Variants in RAD51B observed in about 807,000 individuals in gnomAD.
The protein encoded by RAD51B is DNA repair protein RAD51 homolog 2.
A neutral mutation model predicts 42.2 loss-of-function variants in RAD51B; 38 were observed. The observed-to-expected ratio is 0.90, with a 90% CI of 0.70 to 1.18. The LOEUF is 1.18. Among genes scored for constraint, RAD51B ranks in the 50% most tolerant of loss-of-function variants. The pLI is 0.00. For missense variants in RAD51B, 373 were observed against 400.7 expected, an observed-to-expected ratio of 0.93 and a Z score of 0.59; for synonymous variants, 154 against 145.2, an observed-to-expected ratio of 1.06 and a Z score of -0.43.
chr14:68,121,411 G>T (rs562030379), intron 7 of RAD51B, among the ~76,000 whole-genome samples: 1 of 152,108 alleles, frequency 6.6e-6, no homozygotes, highest in African/African-American at 2.4e-5. Flanking sequence ...CCTTGTTGAG[G>T]AGTAACAGCC....
chr14:68,581,556 A>G (rs1890209303), intron 10 of RAD51B, among the ~76,000 whole-genome samples: 1 of 152,202 alleles, frequency 6.6e-6, no homozygotes, highest in African/African-American at 2.4e-5. Context: ...TGGCACCTGG[A>G]AAGAAATGTC....
intron 4 of RAD51B, among the ~76,000 whole-genome samples, chr14:67,858,285 A>G (rs1272569440): frequency 6.6e-6 from 1 of 152,180 alleles, no homozygotes; most frequent in Non-Finnish European, 1.5e-5. Flanking sequence ...CAGTTGGACA[A>G]TTGACGGATG....
intron 7 of RAD51B, among the ~76,000 whole-genome samples, chr14:67,966,762 T>C (rs920769261): frequency 1.3e-5 from 2 of 152,250 alleles, no homozygotes; most frequent in African/African-American, 4.8e-5. Flanking sequence ...CCTCTCAGTT[T>C]GCAAACTTGC....
chr14:68,089,502 G>T lies in RAD51B; in HGVS notation c.756+202298G>T, dbSNP rs949281343. Among the ~76,000 whole-genome samples the T allele has an allele frequency of 4.6e-5, 7 of 152,230 alleles. No individual in the cohort carries two copies. The South Asian group carries it at 1.5e-3, about 32-fold the overall frequency. On this transcript the variant is annotated intron_variant, in intron 7 of 10. Coordinates refer to ENST00000471583, the MANE Select transcript of RAD51B (RefSeq NM_133510.4). Reference sequence around the variant, plus strand: ...ACAGGGTTGAGACTAGCTTTTGCTGGTTCCCTGGGGTGTATCAGAGACCTC... The same window carrying T: ...ACAGGGTTGAGACTAGCTTTTGCTGTTTCCCTGGGGTGTATCAGAGACCTC...
chr14:68,047,745 A>G (rs1445326138), intron 7 of RAD51B, among the ~76,000 whole-genome samples: 1 of 152,196 alleles, frequency 6.6e-6, no homozygotes, highest in Non-Finnish European at 1.5e-5. Flanking sequence ...CTTATATTTC[A>G]GGGAATGTCT....
intron 7 of RAD51B, among the ~76,000 whole-genome samples, chr14:68,244,399 C>G (rs537565697): frequency 7.2e-5 from 11 of 152,300 alleles, no homozygotes; most frequent in African/African-American, 2.2e-4. Context: ...GGCAGGACTT[C>G]CTTTTTATTC....
At chr14:68,250,487 T>A (rs1332697662) in intron 7 of RAD51B, among the ~76,000 whole-genome samples, 2 of 152,240 alleles carry the variant, frequency 1.3e-5, no homozygotes, top group Non-Finnish European at 2.9e-5. Flanking sequence ...CAATCACAAT[T>A]TCATCAATTC....
intron 7 of RAD51B, among the ~76,000 whole-genome samples, chr14:68,190,330 T>C (rs1317208233): frequency 6.6e-6 from 1 of 152,206 alleles, no homozygotes; most frequent in African/African-American, 2.4e-5. Context: ...TGAAATATCT[T>C]TACTTTGTAT....
At chr14:68,176,952 C>G (rs1373857192) in intron 7 of RAD51B, among the ~76,000 whole-genome samples, 2 of 152,144 alleles carry the variant, frequency 1.3e-5, no homozygotes, top group African/African-American at 4.8e-5. Context: ...TACTAGAGAT[C>G]TGCTCTAAAT....
chr14:68,528,358 C>A (rs1476065359), intron 10 of RAD51B, among the ~76,000 whole-genome samples: 1 of 152,210 alleles, frequency 6.6e-6, no homozygotes, highest in East Asian at 1.9e-4. Flanking sequence ...ATTATTTTCC[C>A]TTCTTCCTCT....
At chr14:67,981,569 C>T (rs190554303) in intron 7 of RAD51B, among the ~76,000 whole-genome samples, 1 of 152,214 alleles carries the variant, frequency 6.6e-6, no homozygotes, top group Admixed American at 6.5e-5. Context: ...TGTCCATCAA[C>T]AAGTGAATGG....
At chr14:68,191,136 G>C (rs1239350872) in intron 7 of RAD51B, among the ~76,000 whole-genome samples, 1 of 152,056 alleles carries the variant, frequency 6.6e-6, no homozygotes, top group African/African-American at 2.4e-5. Flanking sequence ...TAGAGAAATC[G>C]AGTGTTTTCT....
chr14:67,986,529 A>C (rs2075196997), intron 7 of RAD51B, among the ~76,000 whole-genome samples: 1 of 152,194 alleles, frequency 6.6e-6, no homozygotes, highest in African/African-American at 2.4e-5. Flanking sequence ...TTTTCCATAT[A>C]CAGAGTCCCA....
chr14:67,995,828 A>G (rs1390879322), intron 7 of RAD51B, among the ~76,000 whole-genome samples: 1 of 151,928 alleles, frequency 6.6e-6, no homozygotes, highest in African/African-American at 2.4e-5. Flanking sequence ...CGTGTTAACC[A>G]GGATGGACTC....
chr14:68,074,838 G>A (rs547955620), intron 7 of RAD51B, among the ~76,000 whole-genome samples: 6 of 152,340 alleles, frequency 3.9e-5, no homozygotes, highest in African/African-American at 1.4e-4. Context: ...TGATCCAGTA[G>A]ATGGTGCTTA....
In RAD51B at chr14:67,848,926, C is replaced by T. The variant is rs188107383; in HGVS notation, c.315+13730C>T. Among the ~76,000 whole-genome samples, 272 of 152,346 alleles carry T rather than the reference C, an allele frequency of 1.8e-3. 2 individuals are homozygous for T. Among genetic ancestry groups the T allele is most frequent in the Non-Finnish European group, 3.0e-3 (203 of 68,026 alleles). On this transcript the variant is annotated intron_variant, in intron 4 of 10. Transcript: ENST00000471583. ...AAAATAGGTCCCCACTCTCTTCTGGCTTGCAGTTTCTGCTGAGATGTCTGG... is the reference window on the plus strand; with the variant it reads ...AAAATAGGTCCCCACTCTCTTCTGGTTTGCAGTTTCTGCTGAGATGTCTGG...
chr14:68,219,083 A>G (rs191975933), intron 7 of RAD51B, among the ~76,000 whole-genome samples: 1 of 152,284 alleles, frequency 6.6e-6, no homozygotes. Context: ...GAGAAAGGGA[A>G]CTTCTAAATA....
intron 9 of RAD51B, among the ~76,000 whole-genome samples, chr14:68,442,106 G>A (rs1482747491): frequency 6.6e-6 from 1 of 152,150 alleles, no homozygotes; most frequent in Admixed American, 6.5e-5. Flanking sequence ...AATTCTTAAA[G>A]ATACAAAGTC....
intron 9 of RAD51B, among the ~76,000 whole-genome samples, chr14:68,416,200 A>C (rs929753150): frequency 6.6e-6 from 1 of 152,188 alleles, no homozygotes; most frequent in African/African-American, 2.4e-5. Context: ...ATTTCTTTGC[A>C]TCTTGGAAAT....
Sources: gnomAD v4.1 joint callset for allele counts (sites outside exome capture counted in the v4.1 genomes callset) on GRCh38, gnomAD v4.1.1 for gene constraint, MANE v1.5 for transcripts, NCBI Gene and HGNC (gene_info 2026-07-23, HGNC 2026-07-21) for gene names.